The following MAD1L1 variants were observed in gnomAD, a reference collection of about 807,000 sequenced individuals.
The protein encoded by MAD1L1 is mitotic spindle assembly checkpoint protein MAD1.
A neutral mutation model predicts 96.9 loss-of-function variants in MAD1L1; 95 were observed. The observed-to-expected ratio is 0.98, with a 90% CI of 0.83 to 1.16. The LOEUF is 1.16. Ranked by LOEUF, MAD1L1 falls within the 50% of genes most tolerant of loss-of-function variation. The probability of loss-of-function intolerance (pLI) is 0.00; values close to 1 mark genes in which losing one functional copy is unlikely to be tolerated. For missense variants in MAD1L1, 1,007 were observed against 954.4 expected (o/e 1.06, Z -0.73); for synonymous variants, 473 against 396.6 (o/e 1.19, Z -2.29).
intron 1 of MAD1L1, among the ~76,000 whole-genome samples, chr7:2,232,374 C>T (rs1794238731): frequency 6.6e-6 from 1 of 152,258 alleles, no homozygotes. Flanking sequence ...CCTTGCCATC[C>T]CCGAGGGGAA....
chr7:2,001,497 C>A (rs1047999802), intron 14 of MAD1L1, among the ~76,000 whole-genome samples: 3 of 152,266 alleles, frequency 2.0e-5, no homozygotes, highest in Non-Finnish European at 4.4e-5. Context: ...GCGGGCCCCC[C>A]ACCCAGGCTC....
chr7:2,118,227 T>C (rs531626135), intron 11 of MAD1L1, among the ~76,000 whole-genome samples: 4 of 151,988 alleles, frequency 2.6e-5, no homozygotes, highest in South Asian at 2.1e-4. Context: ...TCCACTGGAG[T>C]GGATGGGGCA....
chr7:1,998,628 G>A (rs926882165), intron 14 of MAD1L1, among the ~76,000 whole-genome samples: 5 of 152,312 alleles, frequency 3.3e-5, no homozygotes, highest in Non-Finnish European at 5.9e-5. Flanking sequence ...CAGGAAAAGG[G>A]TCCTCACTGA....
chr7:1,838,664 C>G, intron 18 of MAD1L1: 3 of 408,236 alleles, frequency 7.3e-6, no homozygotes, highest in African/African-American at 2.1e-5. Flanking sequence ...CTGCCGACGG[C>G]TGGGACTGGG....
At chr7:2,042,548 G>T (rs1407947924) in intron 12 of MAD1L1, among the ~76,000 whole-genome samples, 1 of 152,184 alleles carries the variant, frequency 6.6e-6, no homozygotes, top group Non-Finnish European at 1.5e-5. Flanking sequence ...CAAATCTCAG[G>T]TTGAAAAATG....
At chr7:2,185,075 A>T (rs186407886) in intron 10 of MAD1L1, among the ~76,000 whole-genome samples, 193 of 152,296 alleles carry the variant, frequency 1.3e-3, no homozygotes, top group Non-Finnish European at 2.3e-3. Flanking sequence ...GAACCTCAAA[A>T]GCACTCTGTT....
chr7:2,144,130 C>G (rs548748167), intron 11 of MAD1L1, among the ~76,000 whole-genome samples: 1 of 152,212 alleles, frequency 6.6e-6, no homozygotes, highest in South Asian at 2.1e-4. Context: ...CAGGCCTGGA[C>G]GCACGTCCTG....
chr7:1,982,881 TC>T (rs1300068891), intron 14 of MAD1L1, among the ~76,000 whole-genome samples: 2 of 152,200 alleles, frequency 1.3e-5, no homozygotes, highest in African/African-American at 4.8e-5. Flanking sequence ...ACCCATATAT[TC>T]CTATTTTATT....
intron 18 of MAD1L1, among the ~76,000 whole-genome samples, chr7:1,872,089 C>A (rs1201339859): frequency 6.6e-6 from 1 of 152,190 alleles, no homozygotes; most frequent in South Asian, 2.1e-4. Flanking sequence ...AGGCCCCAGG[C>A]CTTGGGGAGC....
chr7:2,084,176 A>G (rs1381504218), intron 11 of MAD1L1, among the ~76,000 whole-genome samples: 3 of 152,244 alleles, frequency 2.0e-5, no homozygotes, highest in Admixed American at 6.5e-5. Flanking sequence ...TTGGGTCAAA[A>G]TAATTCAGGA....
rs551873093 is a variant in MAD1L1, at chr7:2,206,111, G to A, written c.986+7101C>T. On this transcript the variant is annotated intron_variant, in intron 10 of 18. Coordinates refer to ENST00000265854, the MANE Select transcript of MAD1L1 (RefSeq NM_001013836.2). ...CATGCCACTATACTCCAGCCTGGGC[G>A]ACAGAGCAAGATTCCATCTCCAAAA... is the stretch of plus-strand genomic sequence containing the variant. 7.9e-5 allele frequency among the ~76,000 whole-genome samples: 12 copies of A among 152,258 alleles called. 1 individual carries two copies. The highest frequency in any genetic ancestry group is 3.4e-3 in the Middle Eastern group (1 of 294).
chr7:1,952,484 C>G (rs1779543591), intron 16 of MAD1L1, among the ~76,000 whole-genome samples: 1 of 152,222 alleles, frequency 6.6e-6, no homozygotes, highest in African/African-American at 2.4e-5. Flanking sequence ...GAACCATCAG[C>G]TCGCTGTATG....
intron 15 of MAD1L1, among the ~76,000 whole-genome samples, chr7:1,959,554 C>T (rs1426269609): frequency 3.9e-5 from 6 of 152,056 alleles, no homozygotes; most frequent in South Asian, 2.1e-4. Context: ...GACCACGGCA[C>T]GGAAAACCAT....
intron 11 of MAD1L1, among the ~76,000 whole-genome samples, chr7:2,074,933 T>C (rs923933436): frequency 3.9e-5 from 6 of 152,048 alleles, no homozygotes; most frequent in African/African-American, 1.4e-4. Context: ...GCTGGCGTGC[T>C]CATTCGTGGT....
chr7:1,827,467 G>A (rs59347657), intron 18 of MAD1L1, among the ~76,000 whole-genome samples: 1 of 51,348 alleles, frequency 1.9e-5, no homozygotes, highest in Non-Finnish European at 4.1e-5. Flanking sequence ...TGAGCCCGTC[G>A]CGGGTGTGGG....
At chr7:2,221,116 A>C in intron 5 of MAD1L1, 2 of 1,196,094 alleles carry the variant, frequency 1.7e-6, no homozygotes, top group Non-Finnish European at 2.4e-6. Flanking sequence ...CCAAAGCAGC[A>C]GCACCTGCAG....
chr7:1,836,279 C>A (rs1477699459), intron 18 of MAD1L1, among the ~76,000 whole-genome samples: 3 of 151,990 alleles, frequency 2.0e-5, no homozygotes, highest in Non-Finnish European at 4.4e-5. Context: ...CTCAGCCTCC[C>A]AAAGTGCTGG....
intron 12 of MAD1L1, among the ~76,000 whole-genome samples, chr7:2,018,983 G>C (rs1782663736): frequency 6.6e-6 from 1 of 152,126 alleles, no homozygotes; most frequent in African/African-American, 2.4e-5. Flanking sequence ...CCTTTTTTTA[G>C]AAAAGGAAAT....
chr7:2,185,414 G>A (rs1204384952), intron 10 of MAD1L1, among the ~76,000 whole-genome samples: 5 of 152,166 alleles, frequency 3.3e-5, no homozygotes, highest in South Asian at 2.1e-4. Context: ...GCAGCCTGAC[G>A]GAGGCAGTGA....
Sources: gnomAD v4.1 joint callset for allele counts (sites outside exome capture counted in the v4.1 genomes callset) on GRCh38, gnomAD v4.1.1 for gene constraint, MANE v1.5 for transcripts, NCBI Gene and HGNC (gene_info 2026-07-23, HGNC 2026-07-21) for gene names.